FAT1: variants seen among roughly 807,000 people sequenced by gnomAD.
The protein encoded by FAT1 is protocadherin Fat 1.
In FAT1, 171 loss-of-function variants were observed where a neutral mutation model predicts 329.8. The ratio of observed to expected loss-of-function variants is 0.52; its 90% CI spans 0.46 to 0.59. The LOEUF is 0.59. Ranked by LOEUF, FAT1 falls within the 20% of genes least tolerant of loss-of-function variation. The probability of loss-of-function intolerance (pLI) is 0.00; values close to 1 mark genes in which losing one functional copy is unlikely to be tolerated. For missense variants in FAT1, 5,672 were observed against 5,774.4 expected (o/e 0.98, Z 0.57); for synonymous variants, 2,233 against 2,228.6 (o/e 1.00, Z -0.06).
At position 186,620,855 on chromosome 4, in the gene FAT1, A is replaced by G; in HGVS notation, c.5731T>C (p.Phe1911Leu). 3 of 1,614,048 alleles carry G rather than the reference A, an allele frequency of 1.9e-6. No homozygotes were observed. The highest frequency in any genetic ancestry group is 1.7e-6 in the Non-Finnish European group (2 of 1,179,896). Residue 1911 changes from phenylalanine to leucine, a missense_variant, in exon 10 of 27, where the codon TTC becomes CTC. Around this residue, in one of 2 missense-constraint regions of FAT1, gnomAD observed 3,966 missense variants for 3,915.2 expected, o/e 1.01. Coordinates refer to ENST00000441802, the MANE Select transcript of FAT1 (RefSeq NM_005245.4). Reference sequence around the variant, plus strand: ...GTGATGGAGTAAATCAACTGTGAGAATGCACTTGAATCAGCATCTGTAGCA... The same window carrying G: ...GTGATGGAGTAAATCAACTGTGAGAGTGCACTTGAATCAGCATCTGTAGCA... ...VNATDADSSAFSQLIYSITEG... is the reference protein window; with the variant it reads ...VNATDADSSALSQLIYSITEG...
chr4:186,625,058 T>C (rs1159505449), intron 9 of FAT1, among the ~76,000 whole-genome samples: 1 of 152,230 alleles, frequency 6.6e-6, no homozygotes, highest in African/African-American at 2.4e-5. Context: ...ACCAGATTCC[T>C]AATCCTGTCA....
At chr4:186,713,713 T>C (rs957826956) in intron 1 of FAT1, among the ~76,000 whole-genome samples, 167 of 152,296 alleles carry the variant, frequency 1.1e-3, no homozygotes, top group African/African-American at 3.8e-3. Context: ...TGGAGTGCAG[T>C]GGCGCGATCA....
intron 3 of FAT1, among the ~76,000 whole-genome samples, chr4:186,661,553 G>A (rs540182109): frequency 1.3e-4 from 20 of 152,358 alleles, no homozygotes; most frequent in African/African-American, 4.3e-4. Flanking sequence ...GGTGCCGGGA[G>A]GGTGGTACAC....
intron 2 of FAT1, among the ~76,000 whole-genome samples, chr4:186,675,946 C>A (rs1397209034): frequency 2.0e-5 from 3 of 152,060 alleles, no homozygotes; most frequent in South Asian, 4.1e-4. Context: ...TCATTCAACA[C>A]AGAATGAGTT....
rs989965702 is a variant in FAT1, at chr4:186,706,594, G to A, written c.3234C>T (p.Gly1078=). 6.2e-6 allele frequency: 10 copies of A among 1,611,810 alleles called. No individual in the cohort carries two copies. Among genetic ancestry groups the A allele is most frequent in the African/African-American group, 5.4e-5 (4 of 74,704 alleles). ...CTTCACCTATTTTGAAAACACCAAC[G>A]CCAGAGCCATCTCTAATGGAGTATC... ...EIRYSIRDGS[G]VGVFKIGEET... Residue 1078 remains glycine, a synonymous_variant, in exon 2 of 27, where the codon GGC becomes GGT. Coordinates refer to ENST00000441802, the MANE Select transcript of FAT1 (RefSeq NM_005245.4).
At chr4:186,723,423 C>A (rs1459353819) in intron 1 of FAT1, among the ~76,000 whole-genome samples, 20 of 152,226 alleles carry the variant, frequency 1.3e-4, no homozygotes, top group Admixed American at 1.0e-3. Flanking sequence ...GCAATGGCCC[C>A]GGATCGGTCC....
At chr4:186,657,900 G>A (rs987337424) in intron 3 of FAT1, among the ~76,000 whole-genome samples, 3 of 152,162 alleles carry the variant, frequency 2.0e-5, no homozygotes, top group Non-Finnish European at 4.4e-5. Context: ...GAGGTTGTTC[G>A]TGAATAATGA....
chr4:186,635,990 C>T, intron 6 of FAT1, 35 bp downstream of exon 6: 3 of 1,585,156 alleles, frequency 1.9e-6, no homozygotes, highest in East Asian at 4.5e-5. Flanking sequence ...TCAGTGTAAC[C>T]CATACGGACA....
At chr4:186,623,111 A>C (rs1740126780) in intron 9 of FAT1, among the ~76,000 whole-genome samples, 1 of 152,208 alleles carries the variant, frequency 6.6e-6, no homozygotes, top group African/African-American at 2.4e-5. Context: ...CCTGCTTTTC[A>C]TTAAGTCTTA....
chr4:186,639,586 C>T, intron 4 of FAT1, 136 bp downstream of exon 4: 2 of 607,102 alleles, frequency 3.3e-6, no homozygotes, highest in South Asian at 2.4e-5. Context: ...TTCCTTTTTC[C>T]TAACAACCAG....
rs564349212 is a variant in FAT1 at position 186,642,516 on chromosome 4, G to C, written c.3581-2733C>G. Among the ~76,000 whole-genome samples the C allele has an allele frequency of 9.2e-5, 14 of 152,334 alleles. 1 individual carries two copies. In the South Asian group the frequency reaches 2.9e-3, roughly 32 times the overall value. On this transcript the variant is annotated intron_variant, in intron 3 of 26. Coordinates refer to ENST00000441802, the MANE Select transcript of FAT1 (RefSeq NM_005245.4). ...GAATTAAAAATATGTGCTAGAGTGA[G>C]AGAGATAAACTACTGTAAACCTGAA...
rs2126356202 is a variant in FAT1 at position 186,589,112 on chromosome 4, T to A, written c.13247A>T (p.Asp4416Val). 6.2e-7 allele frequency: 1 copy of A among 1,613,934 alleles called. No individual in the cohort carries two copies. Among genetic ancestry groups the A allele is most frequent in the Non-Finnish European group, 8.5e-7 (1 of 1,179,880 alleles). Reference protein sequence around the residue: ...IDEQTPLYSADPNAIDTDYYP... With the variant: ...IDEQTPLYSAVPNAIDTDYYP... The stretch of plus-strand genomic sequence containing the variant: ...ATAGTCCGTATCGATGGCGTTTGGA[T>A]CTGCTGAGTACAGGGGTGTCTGCTC... Residue 4416 changes from aspartate to valine, a missense_variant, in exon 27 of 27, where the codon GAT (aspartate) becomes GTT (valine). By Grantham distance (152) the Asp-to-Val change is radical. Around this residue, in one of 2 missense-constraint regions of FAT1, gnomAD observed 1,706 missense variants for 1,859.1 expected, o/e 0.92. Coordinates refer to ENST00000441802, the MANE Select transcript of FAT1 (RefSeq NM_005245.4).
intron 3 of FAT1, among the ~76,000 whole-genome samples, chr4:186,641,557 C>A (rs977611457): frequency 2.0e-5 from 3 of 152,124 alleles, no homozygotes; most frequent in African/African-American, 7.2e-5. Flanking sequence ...CAGCTTGACA[C>A]GTTCCCAGGA....
In FAT1 at chr4:186,589,185, C is replaced by T. The variant is rs192910004; in HGVS notation, c.13174G>A (p.Val4392Ile). 352 of 1,613,270 alleles carry T rather than the reference C, an allele frequency of 2.2e-4. 1 individual carries two copies. In the African/African-American group the frequency reaches 3.5e-3, roughly 16 times the overall value. ...HWDTSDWMPSVPLPDIQEFPN... is the reference protein window; with the variant it reads ...HWDTSDWMPSIPLPDIQEFPN... The stretch of plus-strand genomic sequence containing the variant: ...AACTCTTGTATGTCCGGCAGAGGAA[C>T]GCTTGGCATCCAATCTGATGTATCC... The change falls in exon 27 of 27, where the codon GTT (valine) becomes ATT (isoleucine). Residue 4392 changes from valine to isoleucine, a missense_variant. By Grantham distance (29) the Val-to-Ile change is conservative. This residue lies in a region of FAT1 where 1,706 missense variants were observed against 1,859.1 expected (regional missense o/e 0.92). Coordinates refer to ENST00000441802, the MANE Select transcript of FAT1 (RefSeq NM_005245.4).
intron 2 of FAT1, among the ~76,000 whole-genome samples, chr4:186,688,422 ACCC>A (rs1743581154): frequency 1.3e-5 from 2 of 152,040 alleles, no homozygotes; most frequent in Admixed American, 6.6e-5. Context: ...GTAATCGCGG[ACCC>A]CATGTGGTCC....
chr4:186,608,598 A>C (rs1739250013), intron 16 of FAT1, among the ~76,000 whole-genome samples: 1 of 152,174 alleles, frequency 6.6e-6, no homozygotes, highest in Admixed American at 6.5e-5. Context: ...TCACGAATGC[A>C]GAATCTGCAG....
At position 186,600,390 on chromosome 4, in the gene FAT1, ACT is replaced by A. The variant is rs747880399; in HGVS notation, c.11641-32_11641-31del. On this transcript the variant is annotated intron_variant, in intron 21 of 26. Transcript: ENST00000441802. ...GATAAAAGCAATGACTGTTCACATT[ACT>A]CTCATAGAACCTTCAATGAGAGCAC... is the stretch of plus-strand genomic sequence containing the variant. 17 of 1,552,526 alleles carry A rather than the reference ACT, an allele frequency of 1.1e-5. 1 individual carries two copies. The South Asian group carries it at 2.0e-4, about 19-fold the overall frequency.
intron 2 of FAT1, among the ~76,000 whole-genome samples, chr4:186,675,824 C>T: frequency 7.5e-6 from 1 of 134,106 alleles, no homozygotes; most frequent in Non-Finnish European, 1.6e-5. Flanking sequence ...CACACACACA[C>T]AATTAATTTT....
In FAT1 at chr4:186,597,085, T is replaced by C. The variant is rs1016376045; in HGVS notation, c.12455A>G (p.Asn4152Ser). ...CENTHGSYHC[N>S]CSHEYRGRHC... ...ACGTCCCCTGTACTCGTGGCTGCAG[T>C]TGCAGTGATAGGAGCCGTGCGTGTT... Residue 4152 changes from asparagine to serine, a missense_variant, in exon 25 of 27, where the codon AAC (asparagine) becomes AGC (serine). Coordinates refer to ENST00000441802, the MANE Select transcript of FAT1 (RefSeq NM_005245.4). The C allele has an allele frequency of 2.5e-6, 4 of 1,613,886 alleles. No individual in the cohort carries two copies. The highest frequency in any genetic ancestry group is 1.3e-5 in the African/African-American group (1 of 74,928).
Sources: allele counts gnomAD v4.1 joint callset (sites outside exome capture counted in the v4.1 genomes callset), GRCh38; gene constraint gnomAD v4.1.1; regional missense constraint gnomAD v4.1.1; transcripts MANE v1.5; gene names NCBI Gene and HGNC (gene_info 2026-07-23, HGNC 2026-07-21).